Variants in SPATA6 observed in about 807,000 individuals in gnomAD.
The protein encoded by SPATA6 is spermatogenesis associated 6.
Under a neutral mutation model 65.3 loss-of-function variants are expected in SPATA6, and 56 were observed. That is an observed-to-expected ratio of 0.86 (90% CI 0.69 to 1.07). The LOEUF (loss-of-function observed/expected upper bound fraction) is 1.07, where lower values mean the gene tolerates loss of function less well. SPATA6 is among the 50% of genes least tolerant of loss of function. The pLI, the probability that SPATA6 is intolerant of heterozygous loss-of-function variation, is 0.00. For synonymous variants in SPATA6, 199 were observed against 213.2 expected (o/e 0.93, Z 0.58); for missense variants, 590 against 594.8 (o/e 0.99, Z 0.08).
intron 11 of SPATA6, among the ~76,000 whole-genome samples, chr1:48,319,859 G>A (rs892003481): frequency 6.6e-6 from 1 of 152,138 alleles, no homozygotes; most frequent in African/African-American, 2.4e-5. Flanking sequence ...CAAGGAGGAA[G>A]GCCGAGCACT....
chr1:48,471,874 T>C, intron 1 of SPATA6, 84 bp downstream of exon 1: 3 of 1,478,610 alleles, frequency 2.0e-6, no homozygotes, highest in Non-Finnish European at 1.9e-6. Context: ...TGAAGGAGGT[T>C]TGGGGGTGGT....
At chr1:48,426,817 A>C (rs1326148621) in intron 3 of SPATA6, among the ~76,000 whole-genome samples, 3 of 152,176 alleles carry the variant, frequency 2.0e-5, no homozygotes, top group Non-Finnish European at 4.4e-5. Flanking sequence ...TGAAAAATTA[A>C]GGAAGTAATA....
chr1:48,470,659 A>C (rs1460147013), intron 1 of SPATA6, among the ~76,000 whole-genome samples: 1 of 152,084 alleles, frequency 6.6e-6, no homozygotes, highest in Non-Finnish European at 1.5e-5. Flanking sequence ...TGATTTTCCT[A>C]GGGGTTTAAG....
intron 11 of SPATA6, among the ~76,000 whole-genome samples, chr1:48,308,952 C>A (rs1645130737): frequency 6.6e-6 from 1 of 152,070 alleles, no homozygotes. Flanking sequence ...GTGGCGAAAT[C>A]ATAGCTCACT....
intron 11 of SPATA6, among the ~76,000 whole-genome samples, chr1:48,315,532 A>T (rs906761986): frequency 3.9e-5 from 6 of 152,192 alleles, no homozygotes; most frequent in African/African-American, 1.4e-4. Context: ...TATTGATGGG[A>T]TGTATCTCAA....
At chr1:48,436,714 G>A (rs1654972632) in intron 3 of SPATA6, 2 of 1,614,214 alleles carry the variant, frequency 1.2e-6, no homozygotes, top group Admixed American at 1.7e-5. Context: ...TGTGAAGTCA[G>A]ATATTTACAG....
At chr1:48,427,293 T>C (rs1408779704) in intron 3 of SPATA6, among the ~76,000 whole-genome samples, 5 of 152,004 alleles carry the variant, frequency 3.3e-5, no homozygotes, top group African/African-American at 4.8e-5. Flanking sequence ...ACGACAGATA[T>C]AATGCCTTAA....
In SPATA6 at chr1:48,403,833, C is replaced by A; in HGVS notation, c.455G>T (p.Cys152Phe). 1 of 1,609,952 alleles carries A rather than the reference C, an allele frequency of 6.2e-7. No homozygotes were observed. The highest frequency in any genetic ancestry group is 1.7e-5 in the Admixed American group (1 of 59,358). The change falls in exon 6 of 13, where the codon TGT becomes TTT. Residue 152 changes from cysteine to phenylalanine, a missense_variant. Cys to Phe is a radical substitution (Grantham distance 205). Coordinates refer to ENST00000371847, the MANE Select transcript of SPATA6 (RefSeq NM_019073.4). ...EFSTTSVITECLISSRKCHTQ... is the reference protein window; with the variant it reads ...EFSTTSVITEFLISSRKCHTQ... ...GTGGCATTTCCTTGAACTTATCAGA[C>A]ATTCAGTAATCACTGAAGTCGTAGA...
chr1:48,471,619 G>C (rs1441771381), intron 1 of SPATA6, among the ~76,000 whole-genome samples: 2 of 152,146 alleles, frequency 1.3e-5, no homozygotes, highest in African/African-American at 4.8e-5. Flanking sequence ...CCCGAAAGAG[G>C]AATGAAAAGC....
At chr1:48,267,752 G>GTTTTTT in the SPATA6 span, among the ~76,000 whole-genome samples, 1,325 of 72,688 alleles carry the variant, frequency 0.018, 92 homozygotes, top group Non-Finnish European at 0.024. Context: ...TAGGGTCTGG[G>GTTTTTT]TTTTTTTTTT....
chr1:48,305,938 A>C, intron 11 of SPATA6, 60 bp from the exon 12 acceptor site: 3 of 1,264,084 alleles, frequency 2.4e-6, no homozygotes, highest in Non-Finnish European at 3.4e-6. Flanking sequence ...AATGATGCAT[A>C]TGTTTCTTCA....
chr1:48,334,755 T>C (rs1019756652), intron 11 of SPATA6, among the ~76,000 whole-genome samples: 1 of 152,104 alleles, frequency 6.6e-6, no homozygotes, highest in Non-Finnish European at 1.5e-5. Context: ...ACCACTCCTA[T>C]TCAACATAGT....
chr1:48,367,846 T>G (rs1295955280), intron 9 of SPATA6, among the ~76,000 whole-genome samples: 1 of 152,228 alleles, frequency 6.6e-6, no homozygotes, highest in Non-Finnish European at 1.5e-5. Flanking sequence ...ATCTTGATGT[T>G]ATCTGGTTAT....
At chr1:48,276,976 T>A in the SPATA6 span, among the ~76,000 whole-genome samples, 1 of 152,106 alleles carries the variant, frequency 6.6e-6, no homozygotes, top group Non-Finnish European at 1.5e-5. Flanking sequence ...TCTTTGTAGG[T>A]CTCTAAGAAC....
intron 8 of SPATA6, among the ~76,000 whole-genome samples, chr1:48,389,481 T>C (rs1269796001): frequency 6.6e-6 from 1 of 152,176 alleles, no homozygotes; most frequent in Admixed American, 6.5e-5. Flanking sequence ...TGGAATATTA[T>C]AGCCAAAATG....
chr1:48,274,106 CT>C, the SPATA6 span, among the ~76,000 whole-genome samples: 2 of 152,126 alleles, frequency 1.3e-5, no homozygotes, highest in African/African-American at 4.8e-5. Context: ...TGATCATGAG[CT>C]TTTTTTCATA....
chr1:48,333,604 C>A (rs1645976613), intron 11 of SPATA6, among the ~76,000 whole-genome samples: 1 of 152,106 alleles, frequency 6.6e-6, no homozygotes, highest in Non-Finnish European at 1.5e-5. Context: ...CTAATGAGAA[C>A]GAAGACATAG....
At chr1:48,333,712 G>A (rs951376764) in intron 11 of SPATA6, among the ~76,000 whole-genome samples, 4 of 151,898 alleles carry the variant, frequency 2.6e-5, no homozygotes, top group East Asian at 1.9e-4. Flanking sequence ...CTCAAACCAC[G>A]TAACATCACA....
At chr1:48,325,181 T>C in intron 11 of SPATA6, 1 of 671,616 alleles carries the variant, frequency 1.5e-6, no homozygotes, top group South Asian at 1.9e-5. Flanking sequence ...GACTGCAAGG[T>C]TTGGTGCAGG....
Sources: allele counts gnomAD v4.1 joint callset (sites outside exome capture counted in the v4.1 genomes callset), GRCh38; gene constraint gnomAD v4.1.1; transcripts MANE v1.5; gene names NCBI Gene and HGNC (gene_info 2026-07-23, HGNC 2026-07-21).